NDST1: variants seen among roughly 807,000 people sequenced by gnomAD.
NDST1 encodes the protein bifunctional heparan sulfate N-deacetylase/N-sulfotransferase 1.
In NDST1, 35 loss-of-function variants were observed where a neutral mutation model predicts 92.8. That is an observed-to-expected ratio of 0.38 (90% CI 0.29 to 0.50). The LOEUF is 0.50. NDST1 is among the 20% of genes least tolerant of loss of function. The pLI is 0.94. For synonymous variants in NDST1, 493 were observed against 500.3 expected (o/e 0.99, Z 0.19); for missense variants, 822 against 1,182.7 (o/e 0.69, Z 4.47).
At position 150,534,987 on chromosome 5, in the gene NDST1, C is replaced by T. The variant is rs1328755084; in HGVS notation, c.1217C>T (p.Ala406Val). 6.2e-7 allele frequency: 1 copy of T among 1,614,254 alleles called. No homozygotes were observed. The highest frequency in any genetic ancestry group is 8.5e-7 in the Non-Finnish European group (1 of 1,180,036). The change falls in exon 5 of 15, where the codon GCC becomes GTC. Residue 406 changes from alanine (A) to valine (V), a missense_variant. Physicochemically the swap from Ala to Val is moderately conservative, Grantham distance 64. Transcript: ENST00000261797. The stretch of plus-strand genomic sequence containing the variant: ...CTTTTCCACAACCAGTCCGTGTTGG[C>T]CGAGCAGATGGCCTTGAACAAGAAG... ...PHLFHNQSVL[A>V]EQMALNKKFA...
Position 150,553,640 on chromosome 5 carries a change from T to C in NDST1, c.*308T>C. ...CGAGACTCTTTTCTGTCCCTCACTGTGTTCCGCCGACTGTCCCCTCTCGTC... is the reference window on the plus strand; with the variant it reads ...CGAGACTCTTTTCTGTCCCTCACTGCGTTCCGCCGACTGTCCCCTCTCGTC... On this transcript the variant is annotated 3_prime_UTR_variant, in exon 15 of 15. Coordinates refer to ENST00000261797, the MANE Select transcript of NDST1 (RefSeq NM_001543.5). This position sits in a 1 kb window ranked among gnomAD's most constrained non-coding sequence, Gnocchi z 4.2. The C allele has an allele frequency of 2.3e-6, 1 of 428,152 alleles. No individual in the cohort carries two copies. The highest frequency in any genetic ancestry group is 4.4e-6 in the Non-Finnish European group (1 of 226,288). 26.5% of individuals were successfully genotyped at this position (428,152 alleles called of 1,614,324 possible). A position where few individuals can be genotyped will look rare whatever the true frequency, so the allele number is the denominator to read the frequency against.
intron 11 of NDST1, among the ~76,000 whole-genome samples, chr5:150,547,327 G>A (rs748628474): frequency 2.0e-5 from 3 of 152,208 alleles, no homozygotes; most frequent in Admixed American, 6.5e-5. Context: ...GAAGGAGGTC[G>A]GGACGAGGAG....
chr5:150,532,916 C>A (rs1284124334), intron 3 of NDST1, 29 bp from the exon 4 acceptor site: 1 of 1,605,438 alleles, frequency 6.2e-7, no homozygotes, highest in East Asian at 2.2e-5. Context: ...CTTTCCCTCA[C>A]TCATTCCTTT....
At position 150,553,092 on chromosome 5, in the gene NDST1, C is replaced by T. The variant is rs904382383; in HGVS notation, c.2530-121C>T. The T allele has an allele frequency of 5.3e-5, 53 of 1,002,894 alleles. No homozygotes were observed. Among genetic ancestry groups the T allele is most frequent in the Admixed American group, 2.0e-4 (11 of 55,338 alleles). 62.1% of individuals were successfully genotyped at this position (1,002,894 alleles called of 1,614,324 possible). A position where few individuals can be genotyped will look rare whatever the true frequency, so the allele number is the denominator to read the frequency against. ...CTGACCTCAGGTGATCCACATGCCTCGGCCTCCCAAAGTGCTGGGATTACA... is the reference window on the plus strand; with the variant it reads ...CTGACCTCAGGTGATCCACATGCCTTGGCCTCCCAAAGTGCTGGGATTACA... On this transcript the variant is annotated intron_variant, in intron 14 of 14. Coordinates refer to ENST00000261797, the MANE Select transcript of NDST1 (RefSeq NM_001543.5). The surrounding 1 kb of genome is among the most constrained non-coding windows in gnomAD (Gnocchi z 4.2).
At chr5:150,517,683 A>T (rs1754042062) in intron 1 of NDST1, among the ~76,000 whole-genome samples, 1 of 152,192 alleles carries the variant, frequency 6.6e-6, no homozygotes, top group Non-Finnish European at 1.5e-5. Context: ...GCATTTTTTT[A>T]ATGCGCATAT....
intron 2 of NDST1, among the ~76,000 whole-genome samples, chr5:150,525,121 G>A (rs932229465): frequency 1.2e-4 from 18 of 152,154 alleles, no homozygotes; most frequent in African/African-American, 4.1e-4. Flanking sequence ...GGAAGACTTG[G>A]TGTCTCCGGA....
rs1370822842 is a variant in NDST1 at position 150,555,831 on chromosome 5, G to C, written c.*2499G>C. The C allele has an allele frequency of 2.6e-5, 4 of 152,252 alleles. No homozygotes were observed. Among genetic ancestry groups the C allele is most frequent in the Non-Finnish European group, 5.9e-5 (4 of 68,072 alleles). 9.4% of individuals were successfully genotyped at this position (152,252 alleles called of 1,614,324 possible). ...AGGAGCAGGCGGTTGGAAATCCTGT[G>C]ACAGCAGAGATCTTCTGGATTTTTG... On this transcript the variant is annotated 3_prime_UTR_variant, in exon 15 of 15. Transcript: ENST00000261797.
chr5:150,541,949 GT>G (rs2151295682), intron 9 of NDST1, among the ~76,000 whole-genome samples: 1 of 152,336 alleles, frequency 6.6e-6, no homozygotes, highest in South Asian at 2.1e-4. Context: ...GCCCAGATCA[GT>G]TGCTCTGCTA....
At chr5:150,524,828 T>C (rs1581372669) in intron 2 of NDST1, among the ~76,000 whole-genome samples, 1 of 152,234 alleles carries the variant, frequency 6.6e-6, no homozygotes, top group Admixed American at 6.5e-5. Flanking sequence ...GCATGACCTT[T>C]AGAGGTCACA....
Position 150,520,933 on chromosome 5 carries a change from T to C in NDST1, c.-322T>C. 1.8e-6 allele frequency: 1 copy of C among 546,238 alleles called. No individual in the cohort carries two copies. The highest frequency in any genetic ancestry group is 2.8e-5 in the South Asian group (1 of 35,866). 33.8% of individuals were successfully genotyped at this position (546,238 alleles called of 1,614,324 possible). A position where few individuals can be genotyped will look rare whatever the true frequency, so the allele number is the denominator to read the frequency against. On this transcript the variant is annotated 5_prime_UTR_variant, in exon 2 of 15. Transcript: ENST00000261797. The stretch of plus-strand genomic sequence containing the variant: ...ACCCCCGGGCCTGTCCAGTGTCCTC[T>C]GGCCTGCTGCCCTGCACCCCCAGAA...
intron 3 of NDST1, among the ~76,000 whole-genome samples, chr5:150,529,163 A>G (rs1167299447): frequency 6.6e-6 from 1 of 152,034 alleles, no homozygotes; most frequent in Non-Finnish European, 1.5e-5. Context: ...AAGCCAAGGG[A>G]GGAGGATTGC....
chr5:150,539,212 C>T lies in NDST1; in HGVS notation c.1438-16C>T. Reference sequence around the variant, plus strand: ...CCAGAAGGCACCATAGCTCCTCTCCCCCACCCCCTCCTCAGGTTCTCCCAC... The same window carrying T: ...CCAGAAGGCACCATAGCTCCTCTCCTCCACCCCCTCCTCAGGTTCTCCCAC... On this transcript the variant is annotated splice_polypyrimidine_tract_variant and intron_variant, in intron 6 of 14. Transcript: ENST00000261797. 1.2e-6 allele frequency: 2 copies of T among 1,608,478 alleles called. No homozygotes were observed. The highest frequency in any genetic ancestry group is 2.2e-5 in the South Asian group (2 of 90,946).
At chr5:150,515,517 G>C (rs532760109) in intron 1 of NDST1, among the ~76,000 whole-genome samples, 1 of 152,314 alleles carries the variant, frequency 6.6e-6, no homozygotes, top group East Asian at 1.9e-4. Flanking sequence ...AGTGGTTGGT[G>C]ATGACTTCAG....
chr5:150,523,997 G>C (rs1754358429), intron 2 of NDST1, among the ~76,000 whole-genome samples: 1 of 152,210 alleles, frequency 6.6e-6, no homozygotes, highest in Admixed American at 6.5e-5. Flanking sequence ...TCCCCGCTGT[G>C]TGCTGGGCTT....
intron 5 of NDST1, chr5:150,535,292 C>T: frequency 3.0e-6 from 3 of 985,210 alleles, no homozygotes; most frequent in Non-Finnish European, 3.6e-6. Context: ...CATTTGTTTC[C>T]TGTGCCCAAG....
Position 150,539,576 on chromosome 5 carries a change from T to C in NDST1, c.1566+220T>C, listed in dbSNP as rs1232086097. On this transcript the variant is annotated intron_variant, in intron 7 of 14. Coordinates refer to ENST00000261797, the MANE Select transcript of NDST1 (RefSeq NM_001543.5). ...TTTTTCCTTTCCTAATCATGTACTT[T>C]AATACAAAAGTGTTGGCATTTTTAT... 2.1e-6 allele frequency: 3 copies of C among 1,408,672 alleles called. No individual in the cohort carries two copies. In the Admixed American group the frequency reaches 8.7e-5, roughly 41 times the overall value. The allele number at this position is 1,408,672 out of a possible 1,614,324, so 87.3% of individuals were successfully genotyped here. A position where few individuals can be genotyped will look rare whatever the true frequency, so the allele number is the denominator to read the frequency against.
intron 4 of NDST1, among the ~76,000 whole-genome samples, chr5:150,533,791 A>G (rs1754855877): frequency 3.3e-5 from 5 of 152,124 alleles, no homozygotes; most frequent in African/African-American, 9.6e-5. Context: ...AAAATTTTTT[A>G]TATATTTTTG....
At chr5:150,548,454 C>G (rs1465283709) in intron 12 of NDST1, 66 bp downstream of exon 12, 2 of 1,561,344 alleles carry the variant, frequency 1.3e-6, no homozygotes, top group Admixed American at 3.5e-5. Flanking sequence ...TAGCGGAGAG[C>G]CTCCAACTCT....
chr5:150,553,228 A>G lies in NDST1; in HGVS notation c.2545A>G (p.Lys849Glu). Residue 849 changes from lysine (K) to glutamate (E), a missense_variant, in exon 15 of 15, where the codon AAG becomes GAG. Transcript: ENST00000261797. The surrounding 1 kb of genome is among the most constrained non-coding windows in gnomAD (Gnocchi z 4.2). ...EMDLDSRAFL[K>E]DYYRDHNIEL... ...CCCGTTACAGTCCCGAGCCTTCCTG[A>G]AGGACTATTACCGGGACCACAACAT... The G allele has an allele frequency of 6.2e-7, 1 of 1,613,474 alleles. No homozygotes were observed. Among genetic ancestry groups the G allele is most frequent in the East Asian group, 2.2e-5 (1 of 44,856 alleles).
Sources: gnomAD v4.1 joint callset for allele counts (sites outside exome capture counted in the v4.1 genomes callset) on GRCh38, gnomAD v4.1.1 for gene constraint, Gnocchi (gnomAD v3.1) non-coding constraint, MANE v1.5 for transcripts, NCBI Gene and HGNC (gene_info 2026-07-23, HGNC 2026-07-21) for gene names.